Variants in SGCD observed in about 807,000 individuals in gnomAD.
SGCD encodes the protein delta-sarcoglycan.
A neutral mutation model predicts 36.6 loss-of-function variants in SGCD; 18 were observed. The observed-to-expected ratio is 0.49, with a 90% CI of 0.34 to 0.73. The LOEUF (loss-of-function observed/expected upper bound fraction) is 0.73. Among genes scored for constraint, SGCD ranks in the 30% least tolerant of loss-of-function variants. The pLI is 0.01. For synonymous variants in SGCD, 133 were observed against 130.6 expected, an observed-to-expected ratio of 1.02 and a Z score of -0.12; for missense variants, 387 against 346.7, an observed-to-expected ratio of 1.12 and a Z score of -0.92.
At chr5:155,830,877 C>T in the SGCD span, among the ~76,000 whole-genome samples, 1 of 152,230 alleles carries the variant, frequency 6.6e-6, no homozygotes, top group East Asian at 1.9e-4. Context: ...CAGATGAATG[C>T]ACTTTTTCTT....
In SGCD at chr5:156,556,189, C is replaced by T. The variant is rs546267435; in HGVS notation, c.295-33042C>T. Among the ~76,000 whole-genome samples the T allele has an allele frequency of 9.9e-4, 150 of 151,320 alleles. 1 individual carries two copies. Among genetic ancestry groups the T allele is most frequent in the Non-Finnish European group, 1.6e-3 (112 of 67,910 alleles). On this transcript the variant is annotated intron_variant, in intron 4 of 8. Transcript: ENST00000337851. ...AGTCTTTATGAACTCATTTTCCTTC[C>T]TCCAAATAAGCCAAGCCAAGTCACA...
intron 3 of SGCD, among the ~76,000 whole-genome samples, chr5:156,173,108 G>A (rs1055244667): frequency 3.3e-5 from 5 of 151,920 alleles, no homozygotes; most frequent in Non-Finnish European, 7.4e-5. Flanking sequence ...TCTGACATAG[G>A]CAAGTCAATA....
chr5:156,465,888 T>C (rs1208453206), intron 3 of SGCD, among the ~76,000 whole-genome samples: 1 of 152,242 alleles, frequency 6.6e-6, no homozygotes, highest in Non-Finnish European at 1.5e-5. Context: ...TCTACTAGGC[T>C]AGCAGTCTCT....
chr5:156,329,803 G>A (rs1018334666), intron 2 of SGCD, among the ~76,000 whole-genome samples: 2 of 152,028 alleles, frequency 1.3e-5, no homozygotes, highest in Admixed American at 6.6e-5. Flanking sequence ...GGATCACGAG[G>A]TCAGGAGATG....
At chr5:156,429,782 A>G (rs969038591) in intron 3 of SGCD, among the ~76,000 whole-genome samples, 1 of 152,096 alleles carries the variant, frequency 6.6e-6, no homozygotes, top group Non-Finnish European at 1.5e-5. Context: ...TATAAAGCCT[A>G]GTTTCACTGG....
chr5:156,334,214 T>C (rs902084876), intron 2 of SGCD, among the ~76,000 whole-genome samples: 2 of 152,136 alleles, frequency 1.3e-5, no homozygotes, highest in Admixed American at 1.3e-4. Context: ...GAATCATCCA[T>C]GGGGTTTTAG....
At chr5:156,743,725 T>G (rs961064353) in intron 7 of SGCD, among the ~76,000 whole-genome samples, 1 of 152,232 alleles carries the variant, frequency 6.6e-6, no homozygotes, top group Non-Finnish European at 1.5e-5. Flanking sequence ...CCAATACATT[T>G]CTTAAGTCTT....
At chr5:156,468,813 G>A (rs1266478833) in intron 3 of SGCD, among the ~76,000 whole-genome samples, 1 of 152,030 alleles carries the variant, frequency 6.6e-6, no homozygotes, top group Admixed American at 6.6e-5. Flanking sequence ...CCAATGTGGT[G>A]AAACCCCGCC....
chr5:156,139,453 G>C (rs1762525688), intron 3 of SGCD, among the ~76,000 whole-genome samples: 2 of 152,076 alleles, frequency 1.3e-5, no homozygotes, highest in South Asian at 4.1e-4. Flanking sequence ...TGGTAGGCTT[G>C]TTTCTCTGCT....
At chr5:155,918,225 G>A (rs967545357) in intron 1 of SGCD, among the ~76,000 whole-genome samples, 1 of 152,168 alleles carries the variant, frequency 6.6e-6, no homozygotes, top group Non-Finnish European at 1.5e-5. Context: ...ATGATATCCT[G>A]AAAGCTAATC....
At position 156,344,500 on chromosome 5, in the gene SGCD, G is replaced by A. The variant is rs549319429; in HGVS notation, c.15G>A (p.Glu5=). 3 of 1,596,128 alleles carry A rather than the reference G, an allele frequency of 1.9e-6. No homozygotes were observed. Among genetic ancestry groups the A allele is most frequent in the African/African-American group, 1.4e-5 (1 of 73,976 alleles). Residue 5 remains glutamate, a synonymous_variant, in exon 3 of 9, where the codon GAG becomes GAA. Coordinates refer to ENST00000337851, the MANE Select transcript of SGCD (RefSeq NM_000337.6). ...CTCGTTTATTTCAGATGCCTCAGGA[G>A]CAGTACACTCACCACCGGAGCACCA... MMPQ[E]QYTHHRSTMP...
intron 6 of SGCD, among the ~76,000 whole-genome samples, chr5:156,600,871 G>A (rs1264867613): frequency 6.6e-6 from 1 of 152,104 alleles, no homozygotes; most frequent in African/African-American, 2.4e-5. Context: ...CCTAACTGGA[G>A]AGAGATGGTA....
intron 3 of SGCD, among the ~76,000 whole-genome samples, chr5:156,432,236 G>A (rs2127788501): frequency 6.6e-6 from 1 of 152,352 alleles, no homozygotes; most frequent in East Asian, 1.9e-4. Flanking sequence ...TGGCTTTCTA[G>A]TATGCTAGTT....
chr5:155,956,497 C>T (rs774970225), intron 1 of SGCD, among the ~76,000 whole-genome samples: 49 of 152,204 alleles, frequency 3.2e-4, no homozygotes, highest in Non-Finnish European at 2.1e-4. Context: ...TTATTTTCAT[C>T]GTCCTGAGGA....
chr5:156,707,434 C>T (rs1453170327), intron 7 of SGCD, among the ~76,000 whole-genome samples: 2 of 152,158 alleles, frequency 1.3e-5, no homozygotes, highest in Non-Finnish European at 2.9e-5. Context: ...ACTATCAGAT[C>T]TTACTACCAG....
intron 7 of SGCD, among the ~76,000 whole-genome samples, chr5:156,725,066 G>A (rs1183630274): frequency 2.6e-5 from 4 of 152,190 alleles, no homozygotes; most frequent in East Asian, 1.9e-4. Flanking sequence ...CCACTCACTG[G>A]GAAAGGAAGT....
chr5:156,146,292 C>G (rs1762709831), intron 3 of SGCD, among the ~76,000 whole-genome samples: 1 of 152,186 alleles, frequency 6.6e-6, no homozygotes, highest in African/African-American at 2.4e-5. Flanking sequence ...TAAACATCAT[C>G]TTAGCATACT....
At chr5:155,735,975 A>G in the SGCD span, among the ~76,000 whole-genome samples, 1 of 152,300 alleles carries the variant, frequency 6.6e-6, no homozygotes. Context: ...TCATGATCAG[A>G]TGATGCTCCT....
At chr5:156,718,834 A>G (rs1460121370) in intron 7 of SGCD, among the ~76,000 whole-genome samples, 1 of 150,776 alleles carries the variant, frequency 6.6e-6, no homozygotes, top group Non-Finnish European at 1.5e-5. Context: ...AAAGAAAAAA[A>G]TTAGCCAGGT....
Sources: allele counts gnomAD v4.1 joint callset (sites outside exome capture counted in the v4.1 genomes callset), GRCh38; gene constraint gnomAD v4.1.1; transcripts MANE v1.5; gene names NCBI Gene and HGNC (gene_info 2026-07-23, HGNC 2026-07-21).